Variants in ADAMTS6 observed in about 807,000 individuals in gnomAD.
The protein encoded by ADAMTS6 is ADAM metallopeptidase with thrombospondin type 1 motif 6.
Under a neutral mutation model 144.3 loss-of-function variants are expected in ADAMTS6, and 23 were observed. The ratio of observed to expected loss-of-function variants is 0.16; its 90% confidence interval spans 0.11 to 0.23. The LOEUF (loss-of-function observed/expected upper bound fraction) is 0.23. Ranked by LOEUF, ADAMTS6 falls within the 10% of genes least tolerant of loss-of-function variation. ADAMTS6 has a pLI of 1.00. For missense variants in ADAMTS6, 999 were observed against 1,379.6 expected (o/e 0.72, Z 4.37); for synonymous variants, 444 against 457.5 (o/e 0.97, Z 0.38).
intron 7 of ADAMTS6, among the ~76,000 whole-genome samples, chr5:65,451,107 T>C (rs1490005386): frequency 6.6e-6 from 1 of 152,188 alleles, no homozygotes; most frequent in Non-Finnish European, 1.5e-5. Flanking sequence ...TTATAACTGA[T>C]AATGGTCACT....
intron 11 of ADAMTS6, among the ~76,000 whole-genome samples, chr5:65,284,590 T>C (rs1351896381): frequency 3.3e-5 from 5 of 152,094 alleles, no homozygotes; most frequent in East Asian, 1.9e-4. Context: ...ATTTCTAATA[T>C]TAAATCCTAA....
At chr5:65,217,038 C>A (rs756026264) in intron 18 of ADAMTS6, among the ~76,000 whole-genome samples, 16 of 152,156 alleles carry the variant, frequency 1.1e-4, no homozygotes, top group Admixed American at 2.0e-4. Flanking sequence ...GTCCTTCATA[C>A]TACAGACCAT....
chr5:65,243,266 C>G (rs1317165466), intron 14 of ADAMTS6, among the ~76,000 whole-genome samples: 1 of 152,120 alleles, frequency 6.6e-6, no homozygotes, highest in African/African-American at 2.4e-5. Flanking sequence ...AGGCTTTTTA[C>G]TACCCTCCCT....
chr5:65,207,516 T>TC (rs1756190699), intron 20 of ADAMTS6, among the ~76,000 whole-genome samples: 5 of 152,220 alleles, frequency 3.3e-5, no homozygotes, highest in Non-Finnish European at 7.3e-5. Context: ...AGGTTTCACT[T>TC]TAAAGCCTAA....
rs1297209998 is a variant in ADAMTS6, at chr5:65,372,441, G to T, written c.1074-38356C>A. Among the ~76,000 whole-genome samples the T allele has an allele frequency of 5.9e-5, 9 of 151,398 alleles. 1 individual carries two copies. Among genetic ancestry groups the T allele is most frequent in the South Asian group, 4.2e-4 (2 of 4,798 alleles). ...ACCAAGCAAATGGAAAACAAAAAAAGGCAGGGGTTGCAATCCTAGTCTCTG... is the reference window on the plus strand; with the variant it reads ...ACCAAGCAAATGGAAAACAAAAAAATGCAGGGGTTGCAATCCTAGTCTCTG... On this transcript the variant is annotated intron_variant, in intron 7 of 24. Coordinates refer to ENST00000381055, the MANE Select transcript of ADAMTS6 (RefSeq NM_197941.4).
chr5:65,369,937 T>A (rs1214945345), intron 7 of ADAMTS6, among the ~76,000 whole-genome samples: 1 of 151,940 alleles, frequency 6.6e-6, no homozygotes, highest in East Asian at 1.9e-4. Context: ...CCTAGGGAAG[T>A]TATTTTTTTT....
intron 7 of ADAMTS6, among the ~76,000 whole-genome samples, chr5:65,338,667 C>T (rs1471646600): frequency 6.6e-6 from 1 of 152,142 alleles, no homozygotes; most frequent in Non-Finnish European, 1.5e-5. Flanking sequence ...CAGCTGTGTG[C>T]CTGAGCCCAG....
intron 7 of ADAMTS6, among the ~76,000 whole-genome samples, chr5:65,423,714 T>C (rs750408554): frequency 1.9e-4 from 29 of 152,130 alleles, no homozygotes; most frequent in Non-Finnish European, 3.7e-4. Context: ...AAGTATGACA[T>C]GAATGTACTT....
At chr5:65,224,046 C>T (rs540535340) in intron 18 of ADAMTS6, among the ~76,000 whole-genome samples, 119 of 152,186 alleles carry the variant, frequency 7.8e-4, no homozygotes, top group Non-Finnish European at 4.1e-4. Flanking sequence ...GTGATCCACC[C>T]GCCTCGGCCT....
chr5:65,292,654 C>T (rs915838924), intron 10 of ADAMTS6, among the ~76,000 whole-genome samples: 5 of 152,220 alleles, frequency 3.3e-5, no homozygotes, highest in Non-Finnish European at 5.9e-5. Flanking sequence ...ACTATTCCTA[C>T]GGTGATATAG....
At chr5:65,237,387 CAA>C (rs371275883) in intron 15 of ADAMTS6, among the ~76,000 whole-genome samples, 16 of 77,214 alleles carry the variant, frequency 2.1e-4, no homozygotes, top group Non-Finnish European at 3.1e-4. Flanking sequence ...GACCTTGTCT[CAA>C]AAAAAAAAAA....
At position 65,291,475 on chromosome 5, in the gene ADAMTS6, T is replaced by C; in HGVS notation, c.1371-5A>G. 1 of 1,603,396 alleles carries C rather than the reference T, an allele frequency of 6.2e-7. No homozygotes were observed. The highest frequency in any genetic ancestry group is 1.1e-5 in the South Asian group (1 of 88,850). ...AGGCAAGTACCACGGCCTGAACTGTTCAACATAAAGGATCAAAGGAAATTA... is the reference window on the plus strand; with the variant it reads ...AGGCAAGTACCACGGCCTGAACTGTCCAACATAAAGGATCAAAGGAAATTA... On this transcript the variant is annotated splice_polypyrimidine_tract_variant and splice_region_variant and intron_variant, in intron 10 of 24. Coordinates refer to ENST00000381055, the MANE Select transcript of ADAMTS6 (RefSeq NM_197941.4).
chr5:65,416,444 A>G (rs1227917896), intron 7 of ADAMTS6, among the ~76,000 whole-genome samples: 1 of 152,236 alleles, frequency 6.6e-6, no homozygotes, highest in Non-Finnish European at 1.5e-5. Context: ...TCCTAAGTAT[A>G]TATCCATGAG....
chr5:65,197,476 C>T (rs527839910), intron 20 of ADAMTS6, among the ~76,000 whole-genome samples: 1 of 152,046 alleles, frequency 6.6e-6, no homozygotes, highest in Admixed American at 6.6e-5. Context: ...TTACAATTTC[C>T]CAAAATAATA....
chr5:65,177,235 G>A (rs1277988635), intron 22 of ADAMTS6, among the ~76,000 whole-genome samples: 1 of 152,092 alleles, frequency 6.6e-6, no homozygotes, highest in Non-Finnish European at 1.5e-5. Context: ...ACAGTCCCAG[G>A]GGAAAACCTT....
At chr5:65,461,785 G>A (rs2150267367) in intron 3 of ADAMTS6, among the ~76,000 whole-genome samples, 1 of 152,224 alleles carries the variant, frequency 6.6e-6, no homozygotes, top group Non-Finnish European at 1.5e-5. Flanking sequence ...TATATATTAA[G>A]TTTCCACATA....
rs74484438 is a variant in ADAMTS6 at position 65,154,916 on chromosome 5, G to A, written c.3245-2971C>T. ...ATATCAGAAAGCTATTAAACAGAAAGCAAGAAAATTATGATGAGGGCAGGA... is the reference window on the plus strand; with the variant it reads ...ATATCAGAAAGCTATTAAACAGAAAACAAGAAAATTATGATGAGGGCAGGA... On this transcript the variant is annotated intron_variant, in intron 24 of 24. Transcript: ENST00000381055. 4.1e-3 allele frequency among the ~76,000 whole-genome samples: 622 copies of A among 152,250 alleles called. 4 individuals are homozygous for A. The highest frequency in any genetic ancestry group is 0.015 in the African/African-American group (606 of 41,552).
chr5:65,211,298 A>G (rs917813863), intron 20 of ADAMTS6, among the ~76,000 whole-genome samples: 4 of 152,186 alleles, frequency 2.6e-5, no homozygotes, highest in Non-Finnish European at 5.9e-5. Context: ...AATATTTTCC[A>G]CCTATTCAAA....
chr5:65,195,156 G>A (rs1237214844), intron 21 of ADAMTS6, among the ~76,000 whole-genome samples: 1 of 152,172 alleles, frequency 6.6e-6, no homozygotes, highest in Non-Finnish European at 1.5e-5. Context: ...AAAATATGCT[G>A]AAGTTACTGG....
Sources: gnomAD v4.1 joint callset for allele counts (sites outside exome capture counted in the v4.1 genomes callset) on GRCh38, gnomAD v4.1.1 for gene constraint, MANE v1.5 for transcripts, NCBI Gene and HGNC (gene_info 2026-07-23, HGNC 2026-07-21) for gene names.